The following ZNF608 variants were observed in gnomAD, a reference collection of about 807,000 sequenced individuals.
ZNF608 encodes zinc finger protein 608, also known as renal carcinoma antigen NY-REN-36.
In ZNF608, 12 loss-of-function variants were observed where a neutral mutation model predicts 109.0. That is an observed-to-expected ratio of 0.11 (90% CI 0.07 to 0.18). The LOEUF is 0.18. Ranked by LOEUF, ZNF608 falls within the 10% of genes least tolerant of loss-of-function variation. ZNF608 has a pLI of 1.00. For missense variants in ZNF608, 1,707 were observed against 1,879.3 expected (o/e 0.91, Z 1.70); for synonymous variants, 732 against 717.4 (o/e 1.02, Z -0.33).
At chr5:124,671,952 T>G (rs1370614678) in intron 3 of ZNF608, among the ~76,000 whole-genome samples, 1 of 152,172 alleles carries the variant, frequency 6.6e-6, no homozygotes, top group African/African-American at 2.4e-5. Flanking sequence ...TGGGCTTCTT[T>G]ATCATCAAGT....
rs1350696526 is a variant in ZNF608 at position 124,744,457 on chromosome 5, G to A, written c.533C>T (p.Thr178Ile). The change falls in exon 2 of 10, where the codon ACC becomes ATC. Residue 178 changes from threonine to isoleucine, a missense_variant. Physicochemically the swap from Thr to Ile is moderately conservative, Grantham distance 89. Around this residue, in one of 7 missense-constraint regions of ZNF608, gnomAD observed 407 missense variants for 398.7 expected, o/e 1.02. Coordinates refer to ENST00000513986, the MANE Select transcript of ZNF608 (RefSeq NM_020747.3). The surrounding 1 kb of genome is among the most constrained non-coding windows in gnomAD (Gnocchi z 4.5). Reference sequence around the variant, plus strand: ...TTTCCCACAGGAGCCTGCCCCCGCGGTGGCGGCAGAGGTGCTGGTGCTGGT... The same window carrying A: ...TTTCCCACAGGAGCCTGCCCCCGCGATGGCGGCAGAGGTGCTGGTGCTGGT... ...NSTSTSTSAA[T>I]AGAGSCGKSK... is the part of the protein sequence containing the mutation. 1 of 1,614,128 alleles carries A rather than the reference G, an allele frequency of 6.2e-7. No individual in the cohort carries two copies. Among genetic ancestry groups the A allele is most frequent in the Non-Finnish European group, 8.5e-7 (1 of 1,180,052 alleles).
upstream of ZNF608, chr5:124,748,503 T>C (rs773062386): frequency 4.3e-5 from 42 of 983,280 alleles, no homozygotes; most frequent in South Asian, 6.6e-4. Context: ...CTAAGTGCTA[T>C]ATAGAGACAC....
chr5:124,716,135 T>G (rs1170394018), intron 2 of ZNF608, among the ~76,000 whole-genome samples: 11 of 101,338 alleles, frequency 1.1e-4, no homozygotes, highest in Admixed American at 4.5e-4. Context: ...AGAGCGAGAA[T>G]CCGTCTCAAA....
chr5:124,687,021 G>A (rs1752436295), intron 3 of ZNF608, among the ~76,000 whole-genome samples: 1 of 152,144 alleles, frequency 6.6e-6, no homozygotes, highest in South Asian at 2.1e-4. Context: ...CACTTAATAA[G>A]CTGAATTAAG....
chr5:124,712,108 T>C (rs910068037), intron 2 of ZNF608, among the ~76,000 whole-genome samples: 1 of 151,822 alleles, frequency 6.6e-6, no homozygotes, highest in Non-Finnish European at 1.5e-5. Flanking sequence ...GATCGCACCA[T>C]TGCACTCCAG....
At chr5:124,733,539 C>T (rs1749005087) in intron 2 of ZNF608, among the ~76,000 whole-genome samples, 1 of 152,096 alleles carries the variant, frequency 6.6e-6, no homozygotes, top group South Asian at 2.1e-4. Flanking sequence ...GTGTGCTTTT[C>T]CTCCCAAGGT....
chr5:124,731,254 A>C (rs1212606699), intron 2 of ZNF608, among the ~76,000 whole-genome samples: 1 of 152,190 alleles, frequency 6.6e-6, no homozygotes, highest in Non-Finnish European at 1.5e-5. Flanking sequence ...TCTGTGGCCC[A>C]GGCTGGTGTG....
chr5:124,673,305 T>C (rs910004979), intron 3 of ZNF608, among the ~76,000 whole-genome samples: 1 of 152,180 alleles, frequency 6.6e-6, no homozygotes, highest in Non-Finnish European at 1.5e-5. Flanking sequence ...CCAGACAATA[T>C]GATGGTTATA....
chr5:124,682,648 C>T (rs761314711), intron 3 of ZNF608, among the ~76,000 whole-genome samples: 12 of 152,172 alleles, frequency 7.9e-5, no homozygotes, highest in Non-Finnish European at 1.5e-4. Flanking sequence ...CACCCAGAAG[C>T]AATTTATAAT....
intron 3 of ZNF608, among the ~76,000 whole-genome samples, chr5:124,689,851 A>G (rs1446755089): frequency 1.3e-5 from 2 of 152,242 alleles, no homozygotes; most frequent in Admixed American, 6.5e-5. Flanking sequence ...TTACCAGATG[A>G]TCCTGCAATT....
intron 2 of ZNF608, among the ~76,000 whole-genome samples, chr5:124,715,957 C>G (rs1459381417): frequency 6.6e-6 from 1 of 151,962 alleles, no homozygotes; most frequent in Non-Finnish European, 1.5e-5. Flanking sequence ...TCCTGGCTAA[C>G]ACGGTGAAAC....
At chr5:124,703,066 C>G (rs1484459138) in intron 2 of ZNF608, among the ~76,000 whole-genome samples, 1 of 151,606 alleles carries the variant, frequency 6.6e-6, no homozygotes, top group African/African-American at 2.4e-5. Flanking sequence ...AAAGTAAAGA[C>G]CAAAGAAAAT....
chr5:124,716,137 C>T (rs568085986), intron 2 of ZNF608, among the ~76,000 whole-genome samples: 2 of 124,674 alleles, frequency 1.6e-5, no homozygotes, highest in African/African-American at 3.1e-5. Flanking sequence ...AGCGAGAATC[C>T]GTCTCAAAAA....
Position 124,648,904 on chromosome 5 carries a change from G to C in ZNF608, c.1480C>G (p.Pro494Ala), listed in dbSNP as rs937660034. ...NCAAEDIKASPSSTNKRKNKP... is the reference protein window; with the variant it reads ...NCAAEDIKASASSTNKRKNKP... ...TTTTTCCTTTTGTTGGTGGAGGAAG[G>C]GCTGGCTTTGATATCCTCAGCAGCA... The change falls in exon 5 of 10, where the codon CCT becomes GCT. Residue 494 changes from proline to alanine, a missense_variant. Physicochemically the swap from Pro to Ala is conservative, Grantham distance 27 (BLOSUM62 -1). Transcript: ENST00000513986. 6.2e-7 allele frequency: 1 copy of C among 1,614,102 alleles called. No homozygotes were observed. Among genetic ancestry groups the C allele is most frequent in the Admixed American group, 1.7e-5 (1 of 60,008 alleles).
intron 3 of ZNF608, among the ~76,000 whole-genome samples, chr5:124,669,276 T>C (rs529173509): frequency 6.6e-6 from 1 of 152,314 alleles, no homozygotes; most frequent in African/African-American, 2.4e-5. Flanking sequence ...GCAAGCCTCT[T>C]GCTCTACTTG....
At chr5:124,685,186 A>C (rs1418005184) in intron 3 of ZNF608, among the ~76,000 whole-genome samples, 1 of 152,230 alleles carries the variant, frequency 6.6e-6, no homozygotes, top group Non-Finnish European at 1.5e-5. Context: ...AGAAGTTCAT[A>C]CGTAATAGAA....
At chr5:124,645,837 T>G (rs1750472459) in intron 5 of ZNF608, among the ~76,000 whole-genome samples, 1 of 152,116 alleles carries the variant, frequency 6.6e-6, no homozygotes, top group Admixed American at 6.6e-5. Context: ...GGAGTAAGAC[T>G]GAAATCTAGG....
chr5:124,740,600 T>C (rs1307240255), intron 2 of ZNF608, among the ~76,000 whole-genome samples: 1 of 151,010 alleles, frequency 6.6e-6, no homozygotes, highest in Non-Finnish European at 1.5e-5. Context: ...TGTGCCAGAA[T>C]TCCCTGGTGA....
rs1450195991 is a variant in ZNF608, at chr5:124,714,446, C to A, written c.907-13177G>T. On this transcript the variant is annotated intron_variant, in intron 2 of 9. Transcript: ENST00000513986. ...CACAGAGGATGACAGGTCAATGTCACACATCACATGTCTCACTAATGCTTT... is the reference window on the plus strand; with the variant it reads ...CACAGAGGATGACAGGTCAATGTCAAACATCACATGTCTCACTAATGCTTT... Among the ~76,000 whole-genome samples, 3 of 152,182 alleles carry A rather than the reference C, an allele frequency of 2.0e-5. No homozygotes were observed. The East Asian group carries it at 5.8e-4, about 29-fold the overall frequency.
Sources: allele counts gnomAD v4.1 joint callset (sites outside exome capture counted in the v4.1 genomes callset), GRCh38; gene constraint gnomAD v4.1.1; regional missense constraint gnomAD v4.1.1; non-coding constraint Gnocchi (gnomAD v3.1); transcripts MANE v1.5; gene names NCBI Gene and HGNC (gene_info 2026-07-23, HGNC 2026-07-21).